IL1RAPL1: variants seen among roughly 807,000 people sequenced by gnomAD.
IL1RAPL1 encodes the protein interleukin-1 receptor accessory protein-like 1.
In IL1RAPL1, 3 loss-of-function variants were observed where a neutral mutation model predicts 48.4. The ratio of observed to expected loss-of-function variants is 0.06; its 90% CI spans 0.03 to 0.16. The LOEUF is 0.16. IL1RAPL1 is among the 10% of genes least tolerant of loss of function. The pLI is 1.00. For missense variants in IL1RAPL1, 349 were observed against 530.6 expected, an observed-to-expected ratio of 0.66 and a Z score of 3.36; for synonymous variants, 185 against 187.7, an observed-to-expected ratio of 0.99 and a Z score of 0.12.
chrX:28,998,559 C>T (rs1396027993), intron 2 of IL1RAPL1, among the ~76,000 whole-genome samples: 1 of 111,746 alleles, frequency 8.9e-6, no homozygotes, highest in Non-Finnish European at 1.9e-5. Flanking sequence ...CTGCTTTTGC[C>T]GTTAAAATGT....
At chrX:28,956,724 T>C (rs1444156307) in intron 2 of IL1RAPL1, among the ~76,000 whole-genome samples, 2 of 109,100 alleles carry the variant, frequency 1.8e-5, no homozygotes, top group South Asian at 4.1e-4. Flanking sequence ...TAAAGTTCTC[T>C]TTTTTGGTTG....
At chrX:29,227,110 T>A (rs1182685988) in intron 2 of IL1RAPL1, among the ~76,000 whole-genome samples, 6 of 109,823 alleles carry the variant, frequency 5.5e-5, no homozygotes, top group Non-Finnish European at 7.6e-5. Flanking sequence ...ATTAGAATAA[T>A]CAACATTCTA....
At chrX:29,056,093 C>T (rs1602033493) in intron 2 of IL1RAPL1, among the ~76,000 whole-genome samples, 1 of 111,747 alleles carries the variant, frequency 8.9e-6, no homozygotes, top group East Asian at 2.8e-4. Context: ...TGTTGATAAA[C>T]TATTTGTTAT....
intron 5 of IL1RAPL1, among the ~76,000 whole-genome samples, chrX:29,525,045 A>G (rs765085669): frequency 1.8e-5 from 2 of 112,633 alleles, no homozygotes; most frequent in South Asian, 7.3e-4. Flanking sequence ...CACACTAAGT[A>G]GAACATATGC....
intron 6 of IL1RAPL1, among the ~76,000 whole-genome samples, chrX:29,770,492 C>T (rs1281967994): frequency 8.9e-6 from 1 of 112,086 alleles, no homozygotes; most frequent in African/African-American, 3.2e-5. Flanking sequence ...TGAATGCTCG[C>T]TATGTGCCAG....
At chrX:29,080,774 A>T (rs1364665284) in intron 2 of IL1RAPL1, among the ~76,000 whole-genome samples, 1 of 98,567 alleles carries the variant, frequency 1.0e-5, no homozygotes, top group Non-Finnish European at 2.0e-5. Context: ...ACAGTATCTC[A>T]CTCTGTCATC....
chrX:28,780,167 A>G (rs1228748102), intron 1 of IL1RAPL1, among the ~76,000 whole-genome samples: 1 of 111,510 alleles, frequency 9.0e-6, no homozygotes, highest in African/African-American at 3.3e-5. Context: ...ATAAGATCAG[A>G]TAATTCCCAG....
At chrX:29,658,192 C>T (rs1456130833) in intron 5 of IL1RAPL1, among the ~76,000 whole-genome samples, 1 of 111,381 alleles carries the variant, frequency 9.0e-6, no homozygotes, top group Admixed American at 9.6e-5. Flanking sequence ...TTTTTCTCCA[C>T]TCATTTGGTC....
intron 3 of IL1RAPL1, among the ~76,000 whole-genome samples, chrX:29,331,200 A>G (rs907062706): frequency 9.0e-6 from 1 of 111,670 alleles, no homozygotes; most frequent in African/African-American, 3.3e-5. Flanking sequence ...TTGATGAGAC[A>G]GGCATAAAAT....
At chrX:28,669,706 ATATAAT>A (rs1934926862) in intron 1 of IL1RAPL1, among the ~76,000 whole-genome samples, 1 of 104,596 alleles carries the variant, frequency 9.6e-6, no homozygotes, top group African/African-American at 3.4e-5. Context: ...TATAAATTAT[ATATAAT>A]TATATCATTT....
At chrX:29,173,037 G>T (rs1359869241) in intron 2 of IL1RAPL1, among the ~76,000 whole-genome samples, 1 of 111,299 alleles carries the variant, frequency 9.0e-6, no homozygotes, top group South Asian at 3.8e-4. Flanking sequence ...AATTATGGTT[G>T]TTTTTATTCC....
In IL1RAPL1 at chrX:29,146,625, C is replaced by A. The variant is rs183893884; in HGVS notation, c.83-136313C>A. Among the ~76,000 whole-genome samples the A allele has an allele frequency of 4.3e-3, 476 of 111,898 alleles. 4 individuals carry two copies. Among genetic ancestry groups the A allele is most frequent in the African/African-American group, 0.015 (464 of 30,838 alleles). ...ATTGCCTAGAGTAAGTCCAGATTTT[C>A]TTCTTAATTTAATCATTAGGCAAAA... On this transcript the variant is annotated intron_variant, in intron 2 of 10. Transcript: ENST00000378993.
At chrX:29,904,303 G>A (rs1932562742) in intron 6 of IL1RAPL1, among the ~76,000 whole-genome samples, 1 of 111,598 alleles carries the variant, frequency 9.0e-6, no homozygotes, top group African/African-American at 3.3e-5. Context: ...AGTTGCTCTT[G>A]ATAACAAGCT....
intron 6 of IL1RAPL1, among the ~76,000 whole-genome samples, chrX:29,729,638 A>G (rs1018318860): frequency 9.0e-6 from 1 of 111,446 alleles, no homozygotes; most frequent in African/African-American, 3.3e-5. Context: ...TCCTTTCTCC[A>G]CCTTCCCATT....
chrX:28,965,855 T>C (rs1397726424), intron 2 of IL1RAPL1, among the ~76,000 whole-genome samples: 2 of 112,196 alleles, frequency 1.8e-5, no homozygotes, highest in Non-Finnish European at 3.8e-5. Context: ...TGACGAATGA[T>C]GTAAAAGTAA....
intron 2 of IL1RAPL1, among the ~76,000 whole-genome samples, chrX:29,035,702 C>T (rs1926717979): frequency 9.1e-6 from 1 of 110,247 alleles, no homozygotes; most frequent in Non-Finnish European, 1.9e-5. Flanking sequence ...GTTACATGAA[C>T]ATTAATATAG....
chrX:28,606,455 T>TCTTC (rs1256770142), intron 1 of IL1RAPL1, among the ~76,000 whole-genome samples: 1 of 111,799 alleles, frequency 8.9e-6, no homozygotes, highest in Non-Finnish European at 1.9e-5. Flanking sequence ...GCATATAATA[T>TCTTC]CTTCTCTAGG....
At chrX:29,172,948 G>A (rs1260130376) in intron 2 of IL1RAPL1, among the ~76,000 whole-genome samples, 1 of 111,674 alleles carries the variant, frequency 9.0e-6, no homozygotes, top group East Asian at 2.8e-4. Context: ...CAGGGAGACT[G>A]TTGTCTTTTC....
At chrX:28,813,958 C>T (rs748663575) in intron 2 of IL1RAPL1, among the ~76,000 whole-genome samples, 2 of 110,523 alleles carry the variant, frequency 1.8e-5, no homozygotes, top group African/African-American at 3.3e-5. Context: ...AGCTGAGTCC[C>T]GAGTGAATCA....
Sources: allele counts gnomAD v4.1 joint callset (sites outside exome capture counted in the v4.1 genomes callset), GRCh38; gene constraint gnomAD v4.1.1; transcripts MANE v1.5; gene names NCBI Gene and HGNC (gene_info 2026-07-23, HGNC 2026-07-21).